RASA3: variants seen among roughly 807,000 people sequenced by gnomAD.
RASA3 encodes the protein RAS p21 protein activator 3.
Under a neutral mutation model 110.0 loss-of-function variants are expected in RASA3, and 73 were observed. The ratio of observed to expected loss-of-function variants is 0.66; its 90% CI spans 0.55 to 0.81. The LOEUF (loss-of-function observed/expected upper bound fraction) is 0.81. Ranked by LOEUF, RASA3 falls within the 30% of genes least tolerant of loss-of-function variation. RASA3 has a pLI of 0.00. For synonymous variants in RASA3, 500 were observed against 451.4 expected, an observed-to-expected ratio of 1.11 and a Z score of -1.37; for missense variants, 976 against 1,113.2, an observed-to-expected ratio of 0.88 and a Z score of 1.75.
Position 114,114,730 on chromosome 13 carries a change from T to C in RASA3, c.55+17705A>G, listed in dbSNP as rs1254552995. Among the ~76,000 whole-genome samples, 2 of 152,258 alleles carry C rather than the reference T, an allele frequency of 1.3e-5. No homozygotes were observed. Among genetic ancestry groups the C allele is most frequent in the Non-Finnish European group, 2.9e-5 (2 of 68,046 alleles). ...TGATAACATGTGGGCAGGGTTTCAG[T>C]GTAAACCCGAGGGCAGGTTAAACAC... On this transcript the variant is annotated intron_variant, in intron 1 of 23. Coordinates refer to ENST00000334062, the MANE Select transcript of RASA3 (RefSeq NM_007368.4). This position sits in a 1 kb window ranked among gnomAD's most constrained non-coding sequence, Gnocchi z 4.8.
chr13:114,080,594 A>C (rs1256579843), intron 1 of RASA3, among the ~76,000 whole-genome samples: 1 of 135,236 alleles, frequency 7.4e-6, no homozygotes, highest in Admixed American at 8.2e-5. Flanking sequence ...GAATGAGTCT[A>C]TGGTGACGGG....
intron 9 of RASA3, among the ~76,000 whole-genome samples, chr13:114,019,550 G>A (rs1021392423): frequency 2.1e-5 from 3 of 143,772 alleles, no homozygotes; most frequent in African/African-American, 7.8e-5. Flanking sequence ...ATTAGCCCCC[G>A]TCAGGTGGGT....
chr13:114,009,808 G>A (rs1450495605), intron 16 of RASA3, among the ~76,000 whole-genome samples: 1 of 152,234 alleles, frequency 6.6e-6, no homozygotes, highest in Non-Finnish European at 1.5e-5. Context: ...TGGGAACCTG[G>A]AGTCATAGGC....
chr13:113,996,930 C>T (rs1019240304), intron 20 of RASA3, among the ~76,000 whole-genome samples, 191 bp from the exon 21 acceptor site: 1 of 152,246 alleles, frequency 6.6e-6, no homozygotes, highest in Admixed American at 6.5e-5. Context: ...AGCTCTCTGC[C>T]ACCCTAAAAC....
In RASA3 at chr13:114,011,795, G is replaced by A. The variant is rs1311815973; in HGVS notation, c.1513-547C>T. ...AAATTAGCTGGGCGTGGTGGCGCAC[G>A]TCTGTAATCCAAGCTACTAGGGAGG... On this transcript the variant is annotated intron_variant, in intron 15 of 23. Coordinates refer to ENST00000334062, the MANE Select transcript of RASA3 (RefSeq NM_007368.4). The surrounding 1 kb of genome is among the most constrained non-coding windows in gnomAD (Gnocchi z 4.8). Among the ~76,000 whole-genome samples the A allele has an allele frequency of 6.6e-6, 1 of 152,060 alleles. No homozygotes were observed. Among genetic ancestry groups the A allele is most frequent in the Non-Finnish European group, 1.5e-5 (1 of 68,006 alleles).
chr13:114,062,478 C>T (rs1308278553), intron 2 of RASA3, among the ~76,000 whole-genome samples: 5 of 152,168 alleles, frequency 3.3e-5, no homozygotes, highest in African/African-American at 9.7e-5. Flanking sequence ...GCGGTTCCTC[C>T]GACGTTCAAC....
chr13:114,128,288 C>A (rs148353768), intron 1 of RASA3, among the ~76,000 whole-genome samples: 1 of 152,256 alleles, frequency 6.6e-6, no homozygotes, highest in Non-Finnish European at 1.5e-5. Context: ...CCTGAGTGAG[C>A]CCTAGCCCTC....
chr13:114,042,541 C>T (rs965751189), intron 3 of RASA3, among the ~76,000 whole-genome samples: 5 of 152,250 alleles, frequency 3.3e-5, no homozygotes, highest in Admixed American at 1.3e-4. Flanking sequence ...TGGGTCCCCG[C>T]AGACCCGGTT....
At chr13:113,997,750 C>T (rs1367474874) in intron 20 of RASA3, among the ~76,000 whole-genome samples, 1 of 152,136 alleles carries the variant, frequency 6.6e-6, no homozygotes, top group African/African-American at 2.4e-5. Context: ...GGGACTTGCC[C>T]TTAAGTCAGG....
At chr13:114,071,467 T>C (rs745960746) in intron 2 of RASA3, among the ~76,000 whole-genome samples, 6 of 152,300 alleles carry the variant, frequency 3.9e-5, no homozygotes, top group Non-Finnish European at 7.4e-5. Flanking sequence ...CCACAATCCA[T>C]AGGCCTCTAA....
intron 17 of RASA3, among the ~76,000 whole-genome samples, chr13:114,008,995 T>C (rs1490863489): frequency 6.8e-6 from 1 of 148,024 alleles, no homozygotes; most frequent in Non-Finnish European, 1.5e-5. Context: ...AGCAGAGCCC[T>C]GCGGTCTGGA....
intron 20 of RASA3, among the ~76,000 whole-genome samples, chr13:113,997,172 C>G (rs1439982983): frequency 2.0e-5 from 3 of 152,228 alleles, no homozygotes; most frequent in Admixed American, 6.5e-5. Context: ...CCGGCCTGCT[C>G]AGCTCCTTCC....
chr13:114,045,188 G>C (rs915137304), intron 3 of RASA3, among the ~76,000 whole-genome samples: 4 of 152,192 alleles, frequency 2.6e-5, no homozygotes, highest in Non-Finnish European at 4.4e-5. Context: ...GAGAATGCCT[G>C]ATCTAAAAGC....
chr13:114,076,501 CACACACGCAGCGCACACACGCA>C (rs1382006032), intron 1 of RASA3, among the ~76,000 whole-genome samples: 1 of 151,942 alleles, frequency 6.6e-6, no homozygotes, highest in Non-Finnish European at 1.5e-5. Flanking sequence ...GCAGCACACG[CACACACGCAGCGCACACACGCA>C]GCACACGCAC....
chr13:114,127,284 G>A (rs1416032341), intron 1 of RASA3, among the ~76,000 whole-genome samples: 2 of 152,208 alleles, frequency 1.3e-5, no homozygotes, highest in African/African-American at 4.8e-5. Context: ...CCCCAGGGCT[G>A]CCTCCGGGGT....
intron 2 of RASA3, among the ~76,000 whole-genome samples, chr13:114,062,787 C>G (rs949896067): frequency 1.3e-5 from 2 of 152,254 alleles, no homozygotes; most frequent in Non-Finnish European, 2.9e-5. Flanking sequence ...GCAGGTGGGC[C>G]TCGGCTGCTG....
chr13:114,029,866 G>T lies in RASA3; in HGVS notation c.394C>A (p.Arg132=). 1 of 1,566,882 alleles carries T rather than the reference G, an allele frequency of 6.4e-7. No homozygotes were observed. The highest frequency in any genetic ancestry group is 1.9e-5 in the Admixed American group (1 of 53,972). Residue 132 remains arginine (R), a synonymous_variant, in exon 5 of 24, where the codon CGG becomes AGG. Coordinates refer to ENST00000334062, the MANE Select transcript of RASA3 (RefSeq NM_007368.4). ...GTGTCTGTGATGACCTCGCTCAGCCGCAGCTCCAGGTGCACTTTGCCCTGC... is the reference window on the plus strand; with the variant it reads ...GTGTCTGTGATGACCTCGCTCAGCCTCAGCTCCAGGTGCACTTTGCCCTGC... ...EVQGKVHLEL[R]LSEVITDTGV...
intron 2 of RASA3, among the ~76,000 whole-genome samples, chr13:114,063,125 G>A (rs2079390766): frequency 6.6e-6 from 1 of 152,102 alleles, no homozygotes; most frequent in South Asian, 2.1e-4. Flanking sequence ...CCACTGAATT[G>A]TACATTTCAA....
chr13:114,107,495 CTGGGCTCTTCCTACCCAAGGGT>C (rs2080150540), intron 1 of RASA3: 1 of 152,426 alleles, frequency 6.6e-6, no homozygotes, highest in South Asian at 2.1e-4. Flanking sequence ...TGTCTGAGGG[CTGGGCTCTTCCTACCCAAGGGT>C]TGGGGGCTGG....
Sources: gnomAD v4.1 joint callset for allele counts (sites outside exome capture counted in the v4.1 genomes callset) on GRCh38, gnomAD v4.1.1 for gene constraint, Gnocchi (gnomAD v3.1) non-coding constraint, MANE v1.5 for transcripts, NCBI Gene and HGNC (gene_info 2026-07-23, HGNC 2026-07-21) for gene names.